Variants in YEATS2 observed in about 807,000 individuals in gnomAD.
The protein encoded by YEATS2 is YEATS domain containing 2, also known as YEATS domain-containing protein 2.
A neutral mutation model predicts 163.2 loss-of-function variants in YEATS2; 77 were observed. That is an observed-to-expected ratio of 0.47 (90% confidence interval 0.39 to 0.57). YEATS2 has a LOEUF of 0.57. Ranked by LOEUF, YEATS2 falls within the 20% of genes least tolerant of loss-of-function variation. The pLI is 0.00. For missense variants in YEATS2, 1,549 were observed against 1,729.8 expected, an observed-to-expected ratio of 0.90 and a Z score of 1.85; for synonymous variants, 631 against 645.1, an observed-to-expected ratio of 0.98 and a Z score of 0.33.
chr3:183,809,232 C>A, intron 30 of YEATS2, 62 bp downstream of exon 30: 1 of 1,539,082 alleles, frequency 6.5e-7, no homozygotes, highest in Non-Finnish European at 9.0e-7. Context: ...AGTTGAATTG[C>A]CCATGAAGGT....
At chr3:183,796,599 G>T (rs1007743635) in intron 21 of YEATS2, among the ~76,000 whole-genome samples, 1 of 150,332 alleles carries the variant, frequency 6.7e-6, no homozygotes, top group Non-Finnish European at 1.5e-5. Flanking sequence ...AAAGAGATGC[G>T]CATACATTGG....
chr3:183,771,752 A>G (rs1722503188), intron 15 of YEATS2, among the ~76,000 whole-genome samples: 5 of 117,684 alleles, frequency 4.2e-5, no homozygotes, highest in East Asian at 2.4e-4. Flanking sequence ...TTTTAGACAG[A>G]GTCTCACTCT....
At chr3:183,728,547 A>T in intron 6 of YEATS2, 143 bp from the exon 7 acceptor site, 1 of 694,510 alleles carries the variant, frequency 1.4e-6, no homozygotes, top group East Asian at 2.8e-5. Flanking sequence ...ACTTGCAAAG[A>T]CTCATTTTGC....
chr3:183,787,193 T>C (rs191785535), intron 20 of YEATS2, among the ~76,000 whole-genome samples: 2 of 152,324 alleles, frequency 1.3e-5, no homozygotes, highest in East Asian at 3.9e-4. Flanking sequence ...GACCTCGTGA[T>C]CCACCTGCCT....
intron 1 of YEATS2, among the ~76,000 whole-genome samples, chr3:183,708,309 T>C (rs1042957835): frequency 2.0e-5 from 3 of 151,692 alleles, no homozygotes; most frequent in Non-Finnish European, 4.4e-5. Context: ...CTACAGGCAC[T>C]CGCCACCACA....
intron 7 of YEATS2, among the ~76,000 whole-genome samples, chr3:183,734,096 A>G (rs10937150): frequency 0.011 from 1,680 of 152,324 alleles, 34 homozygotes; most frequent in African/African-American, 0.038. Context: ...CAATAGAAAT[A>G]TACTGTGAGC....
intron 1 of YEATS2, among the ~76,000 whole-genome samples, chr3:183,699,795 G>C (rs1245834019): frequency 6.6e-6 from 1 of 152,144 alleles, no homozygotes; most frequent in African/African-American, 2.4e-5. Context: ...GGAAGATGTT[G>C]AATTGGTCCT....
intron 19 of YEATS2, among the ~76,000 whole-genome samples, chr3:183,781,992 G>A (rs1723608414): frequency 6.6e-6 from 1 of 151,964 alleles, no homozygotes. Context: ...TCATGTCAGT[G>A]GAATTATATA....
intron 17 of YEATS2, among the ~76,000 whole-genome samples, chr3:183,774,516 C>T (rs985166196): frequency 9.9e-5 from 15 of 152,198 alleles, no homozygotes; most frequent in Non-Finnish European, 1.0e-4. Context: ...TGGATGTATT[C>T]CTTACTTCTG....
At position 183,747,681 on chromosome 3, in the gene YEATS2, A is replaced by G; in HGVS notation, c.934A>G (p.Thr312Ala). Residue 312 changes from threonine (T) to alanine (A), a missense_variant, in exon 9 of 31, where the codon ACT (threonine) becomes GCT (alanine). Coordinates refer to ENST00000305135, the MANE Select transcript of YEATS2 (RefSeq NM_018023.5). ...TTTTGTCTTTCCATAGCTGGATAGAACTTATACTGGCTTGCAGACTCTTGG... is the reference window on the plus strand; with the variant it reads ...TTTTGTCTTTCCATAGCTGGATAGAGCTTATACTGGCTTGCAGACTCTTGG... ...DIIHNLKLDR[T>A]YTGLQTLGAE... is the part of the protein sequence containing the mutation. The G allele has an allele frequency of 6.2e-7, 1 of 1,613,184 alleles. No individual in the cohort carries two copies. Among genetic ancestry groups the G allele is most frequent in the Admixed American group, 1.7e-5 (1 of 60,020 alleles).
chr3:183,754,303 C>T lies in YEATS2; in HGVS notation c.1328C>T (p.Pro443Leu), dbSNP rs1177002329. Residue 443 changes from proline (P) to leucine (L), a missense_variant, in exon 11 of 31, where the codon CCT (proline) becomes CTT (leucine). Transcript: ENST00000305135. ...AAAATTGTTCCACAAAGTCAGGTTC[C>T]TAATCCTGAGTCACCTGGAAAATCC... ...SCKIVPQSQV[P>L]NPESPGKSFQ... is the part of the protein sequence containing the mutation. The T allele has an allele frequency of 6.2e-7, 1 of 1,614,146 alleles. No individual in the cohort carries two copies. Among genetic ancestry groups the T allele is most frequent in the African/African-American group, 1.3e-5 (1 of 75,044 alleles).
chr3:183,722,197 T>C, intron 5 of YEATS2, 61 bp downstream of exon 5: 1 of 1,545,034 alleles, frequency 6.5e-7, no homozygotes, highest in South Asian at 1.2e-5. Flanking sequence ...TTTACTAAAG[T>C]ATGCGCTTGT....
intron 6 of YEATS2, among the ~76,000 whole-genome samples, chr3:183,727,657 A>C (rs904474700): frequency 6.6e-6 from 1 of 152,204 alleles, no homozygotes; most frequent in Non-Finnish European, 1.5e-5. Context: ...ACATGAATCT[A>C]AGAAGGGGGC....
At chr3:183,775,126 A>G (rs1722830706) in intron 17 of YEATS2, among the ~76,000 whole-genome samples, 1 of 152,214 alleles carries the variant, frequency 6.6e-6, no homozygotes, top group African/African-American at 2.4e-5. Flanking sequence ...TTGAAAGGCA[A>G]AGAAGAATGG....
At chr3:183,794,785 G>A (rs185592535) in intron 21 of YEATS2, among the ~76,000 whole-genome samples, 8 of 152,214 alleles carry the variant, frequency 5.3e-5, no homozygotes, top group East Asian at 3.9e-4. Context: ...TATAAGTGCC[G>A]TAAAGGGGGC....
At chr3:183,775,573 G>A (rs1272845028) in intron 17 of YEATS2, among the ~76,000 whole-genome samples, 1 of 152,168 alleles carries the variant, frequency 6.6e-6, no homozygotes, top group Non-Finnish European at 1.5e-5. Context: ...CCAGCCTGGC[G>A]ACAGAGTGAG....
chr3:183,779,370 C>A (rs1723331777), intron 19 of YEATS2, among the ~76,000 whole-genome samples: 2 of 152,248 alleles, frequency 1.3e-5, no homozygotes, highest in South Asian at 4.2e-4. Context: ...GATACAAGGC[C>A]CTGCAGTTCA....
rs1466913342 is a variant in YEATS2, at chr3:183,800,527, G to A, written c.3387G>A (p.Val1129=). 1 of 1,614,046 alleles carries A rather than the reference G, an allele frequency of 6.2e-7. No homozygotes were observed. The highest frequency in any genetic ancestry group is 1.3e-5 in the African/African-American group (1 of 74,928). Residue 1129 remains valine (V), a synonymous_variant, in exon 24 of 31, where the codon GTG becomes GTA. Transcript: ENST00000305135. ...SCLSQEGQTA[V]KTEESSELGN... is the part of the protein sequence containing the mutation. ...TCTCTCAGGAGGGTCAGACAGCAGTGAAAACAGAAGAAAGTTCTGAGCTGG... is the reference window on the plus strand; with the variant it reads ...TCTCTCAGGAGGGTCAGACAGCAGTAAAAACAGAAGAAAGTTCTGAGCTGG...
At chr3:183,730,289 T>G (rs1283739494) in intron 7 of YEATS2, among the ~76,000 whole-genome samples, 1 of 151,868 alleles carries the variant, frequency 6.6e-6, no homozygotes, top group African/African-American at 2.4e-5. Context: ...GGTCTTGAAC[T>G]CCTGAGCTCA....
Sources: allele counts gnomAD v4.1 joint callset (sites outside exome capture counted in the v4.1 genomes callset), GRCh38; gene constraint gnomAD v4.1.1; transcripts MANE v1.5; gene names NCBI Gene and HGNC (gene_info 2026-07-23, HGNC 2026-07-21).